The following SSBP3 variants were observed in gnomAD, a reference collection of about 807,000 sequenced individuals.
The protein encoded by SSBP3 is single stranded DNA binding protein 3, also known as single-stranded DNA-binding protein 3.
SSBP3 carries 5 observed loss-of-function variants against 69.6 expected under a neutral mutation model. The ratio of observed to expected loss-of-function variants is 0.07; its 90% confidence interval spans 0.04 to 0.15. The LOEUF is 0.15. Among genes scored for constraint, SSBP3 ranks in the 10% least tolerant of loss-of-function variants. The pLI is 1.00. For missense variants in SSBP3, 312 were observed against 534.0 expected, an observed-to-expected ratio of 0.58 and a Z score of 4.10; for synonymous variants, 196 against 193.4, an observed-to-expected ratio of 1.01 and a Z score of -0.11.
At chr1:54,305,659 C>A (rs1158294188) in intron 4 of SSBP3, among the ~76,000 whole-genome samples, 1 of 150,748 alleles carries the variant, frequency 6.6e-6, no homozygotes, top group Admixed American at 6.6e-5. Context: ...GACGAGGTCT[C>A]ATTATGTTGC....
intron 9 of SSBP3, among the ~76,000 whole-genome samples, chr1:54,246,165 G>C (rs1644730379): frequency 6.6e-6 from 1 of 152,212 alleles, no homozygotes; most frequent in Admixed American, 6.5e-5. Flanking sequence ...TGGTTCTGAA[G>C]TGCCCCGTAA....
intron 5 of SSBP3, among the ~76,000 whole-genome samples, chr1:54,278,314 C>A (rs1246637840): frequency 6.7e-6 from 1 of 149,298 alleles, no homozygotes; most frequent in Admixed American, 6.8e-5. Flanking sequence ...GCTGGGGATG[C>A]CAATATTAGG....
At chr1:54,259,420 C>T (rs963358174) in intron 5 of SSBP3, among the ~76,000 whole-genome samples, 1 of 152,212 alleles carries the variant, frequency 6.6e-6, no homozygotes, top group African/African-American at 2.4e-5. Context: ...CCATGGGTCA[C>T]AGTCAGTAAG....
chr1:54,314,036 T>G (rs1557522390), intron 4 of SSBP3, among the ~76,000 whole-genome samples: 1 of 152,222 alleles, frequency 6.6e-6, no homozygotes, highest in Non-Finnish European at 1.5e-5. Flanking sequence ...AGTGCTGGGA[T>G]TACAGGCATG....
intron 7 of SSBP3, among the ~76,000 whole-genome samples, chr1:54,252,931 C>T (rs1644855009): frequency 6.6e-6 from 1 of 152,178 alleles, no homozygotes; most frequent in Non-Finnish European, 1.5e-5. Context: ...TCAAGGGCCC[C>T]CAGCCCAGGC....
intron 6 of SSBP3, among the ~76,000 whole-genome samples, chr1:54,257,437 T>C (rs577102554): frequency 6.6e-6 from 1 of 152,136 alleles, no homozygotes; most frequent in East Asian, 1.9e-4. Flanking sequence ...GGGCAGCGGC[T>C]GGGACTTTGC....
intron 4 of SSBP3, among the ~76,000 whole-genome samples, chr1:54,390,039 T>G (rs1181724908): frequency 6.6e-6 from 1 of 152,086 alleles, no homozygotes. Flanking sequence ...AGACAAAACC[T>G]AAAGCACTTA....
intron 4 of SSBP3, among the ~76,000 whole-genome samples, chr1:54,323,913 CTA>C (rs1209886793): frequency 1.3e-5 from 2 of 152,172 alleles, no homozygotes; most frequent in African/African-American, 2.4e-5. Flanking sequence ...AGCAGGTATC[CTA>C]TGTGTCCCCC....
At chr1:54,317,003 G>A (rs894524890) in intron 4 of SSBP3, among the ~76,000 whole-genome samples, 1 of 151,936 alleles carries the variant, frequency 6.6e-6, no homozygotes, top group Non-Finnish European at 1.5e-5. Context: ...TTCCCCAAAC[G>A]ACCCACCTTT....
intron 3 of SSBP3, 30 bp from the exon 4 acceptor site, chr1:54,401,975 G>T: frequency 1.3e-6 from 2 of 1,595,754 alleles, no homozygotes; most frequent in Non-Finnish European, 1.7e-6. Flanking sequence ...ATAAGGTCAG[G>T]TTACTAATTA....
At chr1:54,346,614 A>C (rs889374527) in intron 4 of SSBP3, among the ~76,000 whole-genome samples, 3 of 152,058 alleles carry the variant, frequency 2.0e-5, no homozygotes, top group Non-Finnish European at 2.9e-5. Flanking sequence ...GGAGATCGAG[A>C]CCATCCTGAC....
chr1:54,352,043 C>T (rs1297243996), intron 4 of SSBP3, among the ~76,000 whole-genome samples: 1 of 152,168 alleles, frequency 6.6e-6, no homozygotes, highest in Non-Finnish European at 1.5e-5. Flanking sequence ...TGCCTGTAGT[C>T]CCAGCTACTT....
At chr1:54,289,337 GTC>G (rs1223131966) in intron 4 of SSBP3, among the ~76,000 whole-genome samples, 2 of 150,686 alleles carry the variant, frequency 1.3e-5, no homozygotes, top group African/African-American at 4.9e-5. Flanking sequence ...CCACTGAAGA[GTC>G]TGTTGGATCT....
chr1:54,374,686 G>A (rs865953533), intron 4 of SSBP3, among the ~76,000 whole-genome samples: 3 of 152,096 alleles, frequency 2.0e-5, no homozygotes, highest in Middle Eastern at 3.4e-3. Context: ...ACCCCACCTG[G>A]CAGGGGACAG....
chr1:54,337,485 C>CTTTTTTTTTTTTTTTTTTT lies in SSBP3; in HGVS notation c.277-55977_277-55959dup, dbSNP rs869039822. Among the ~76,000 whole-genome samples the CTTTTTTTTTTTTTTTTTTT allele has an allele frequency of 8.0e-4, 41 of 51,164 alleles. 9 individuals carry two copies. Among genetic ancestry groups the CTTTTTTTTTTTTTTTTTTT allele is most frequent in the East Asian group, 4.7e-3 (5 of 1,070 alleles). The allele number at this position is 51,164 out of a possible 152,430, so 33.6% of individuals were successfully genotyped here. On this transcript the variant is annotated intron_variant, in intron 4 of 17. Transcript: ENST00000610401. ...ACCAAAGCATTTTGTTTTCCTCAAGCTTTTTTTTTTTTTTTTTTTTTTTTT... is the reference window on the plus strand; with the variant it reads ...ACCAAAGCATTTTGTTTTCCTCAAGCTTTTTTTTTTTTTTTTTTTTTTTTTTTTTTTTTTTTTTTTTTTT...
At chr1:54,351,343 T>C (rs559141378) in intron 4 of SSBP3, among the ~76,000 whole-genome samples, 8 of 152,280 alleles carry the variant, frequency 5.3e-5, no homozygotes, top group African/African-American at 1.9e-4. Flanking sequence ...AGGTATAAAA[T>C]GGCAGCAATT....
chr1:54,275,067 T>A (rs1407203949), intron 5 of SSBP3, among the ~76,000 whole-genome samples: 1 of 152,192 alleles, frequency 6.6e-6, no homozygotes, highest in Non-Finnish European at 1.5e-5. Flanking sequence ...CTCTCCAGCG[T>A]GGCACTCAGT....
chr1:54,316,322 G>A (rs879930096), intron 4 of SSBP3, among the ~76,000 whole-genome samples: 53 of 148,136 alleles, frequency 3.6e-4, no homozygotes, highest in Middle Eastern at 7.3e-3. Context: ...CAGCCTGGAC[G>A]ACAGAGCGAG....
At chr1:54,345,011 T>C (rs956783560) in intron 4 of SSBP3, among the ~76,000 whole-genome samples, 3 of 152,166 alleles carry the variant, frequency 2.0e-5, no homozygotes, top group African/African-American at 4.8e-5. Flanking sequence ...TTCCTATTTA[T>C]ATTACACTTG....
Sources: gnomAD v4.1 joint callset for allele counts (sites outside exome capture counted in the v4.1 genomes callset) on GRCh38, gnomAD v4.1.1 for gene constraint, MANE v1.5 for transcripts, NCBI Gene and HGNC (gene_info 2026-07-23, HGNC 2026-07-21) for gene names.